ZFYVE19: variants seen among roughly 807,000 people sequenced by gnomAD.
The protein encoded by ZFYVE19 is zinc finger FYVE-type containing 19, also known as abscission/NoCut checkpoint regulator.
ZFYVE19 carries 49 observed loss-of-function variants against 62.8 expected under a neutral mutation model. The observed-to-expected ratio is 0.78, with a 90% confidence interval of 0.62 to 0.99. The LOEUF (loss-of-function observed/expected upper bound fraction) is 0.99. Among genes scored for constraint, ZFYVE19 ranks in the 50% least tolerant of loss-of-function variants. The probability of loss-of-function intolerance (pLI) is 0.00; values close to 1 mark genes in which losing one functional copy is unlikely to be tolerated. For missense variants in ZFYVE19, 630 were observed against 601.9 expected (o/e 1.05, Z -0.49); for synonymous variants, 242 against 234.3 (o/e 1.03, Z -0.30).
intron 5 of ZFYVE19, 138 bp downstream of exon 5, chr15:40,810,354 T>C (rs1890445602): frequency 7.1e-7 from 1 of 1,408,786 alleles, no homozygotes; most frequent in Non-Finnish European, 9.4e-7. Flanking sequence ...TCAGTTACTT[T>C]TGCACCAACC....
At chr15:40,812,528 A>G (rs1363768453) in intron 6 of ZFYVE19, among the ~76,000 whole-genome samples, 171 bp from the exon 7 acceptor site, 1 of 149,148 alleles carries the variant, frequency 6.7e-6, no homozygotes, top group Non-Finnish European at 1.5e-5. Flanking sequence ...CCTGGGTGAC[A>G]GAGCGAGACT....
At position 40,814,590 on chromosome 15, in the gene ZFYVE19, AC is replaced by A. The variant is rs1890612567; in HGVS notation, c.*367del. ...TTGGGCCCAGCATCTCATTTCTACA[AC>A]CCTATGAGCCTGGGCCCTGTGAGAG... On this transcript the variant is annotated 3_prime_UTR_variant, in exon 11 of 11. Transcript: ENST00000355341. 3.2e-6 allele frequency: 1 copy of A among 312,690 alleles called. No homozygotes were observed. The highest frequency in any genetic ancestry group is 2.2e-5 in the African/African-American group (1 of 46,154). The allele number at this position is 312,690 out of a possible 1,614,324, so 19.4% of individuals were successfully genotyped here. A position where few individuals can be genotyped will look rare whatever the true frequency, so the allele number is the denominator to read the frequency against.
intron 8 of ZFYVE19, 24 bp downstream of exon 8, chr15:40,813,441 C>T (rs1389023712): frequency 4.4e-6 from 7 of 1,578,138 alleles, no homozygotes; most frequent in African/African-American, 1.4e-5. Flanking sequence ...ACCCACCTGC[C>T]ACCCCTTGTC....
At chr15:40,809,777 A>G in intron 3 of ZFYVE19, 75 bp from the exon 4 acceptor site, 1 of 1,476,748 alleles carries the variant, frequency 6.8e-7, no homozygotes, top group Non-Finnish European at 9.4e-7. Context: ...TTTGATTTGA[A>G]TGGGAAACAG....
intron 3 of ZFYVE19, 73 bp downstream of exon 3, chr15:40,809,531 C>G: frequency 6.5e-7 from 1 of 1,543,324 alleles, no homozygotes; most frequent in Non-Finnish European, 8.9e-7. Context: ...GACCCTGCCC[C>G]CATCTTCTAG....
Position 40,808,418 on chromosome 15 carries a change from G to C in ZFYVE19, c.279+550G>C, listed in dbSNP as rs188812847. On this transcript the variant is annotated intron_variant, in intron 1 of 10. Coordinates refer to ENST00000355341, the MANE Select transcript of ZFYVE19 (RefSeq NM_001077268.2). ...AGTTGTGGCCAGGGATTCTGACCAG[G>C]AGATGATGGGAACTAGATGGAGTAA... 117 of 1,590,594 alleles carry C rather than the reference G, an allele frequency of 7.4e-5. No homozygotes were observed. The African/African-American group carries it at 1.4e-3, about 19-fold the overall frequency.
intron 7 of ZFYVE19, among the ~76,000 whole-genome samples, 198 bp downstream of exon 7, chr15:40,813,100 G>A (rs532811083): frequency 6.6e-6 from 1 of 152,268 alleles, no homozygotes; most frequent in South Asian, 2.1e-4. Context: ...TCCATTCAGG[G>A]GCTGAGGCTT....
At position 40,814,364 on chromosome 15, in the gene ZFYVE19, C is replaced by T; in HGVS notation, c.*138C>T. On this transcript the variant is annotated 3_prime_UTR_variant, in exon 11 of 11. Coordinates refer to ENST00000355341, the MANE Select transcript of ZFYVE19 (RefSeq NM_001077268.2). Reference sequence around the variant, plus strand: ...GGCCCCTTCCTGAGCCTTGGTGTCCCTGGAATGAGGAAAGATTCTCCATTC... The same window carrying T: ...GGCCCCTTCCTGAGCCTTGGTGTCCTTGGAATGAGGAAAGATTCTCCATTC... The T allele has an allele frequency of 2.1e-6, 2 of 960,998 alleles. No homozygotes were observed. The highest frequency in any genetic ancestry group is 3.1e-6 in the Non-Finnish European group (2 of 647,802). The allele number at this position is 960,998 out of a possible 1,614,324, so 59.5% of individuals were successfully genotyped here. A position where few individuals can be genotyped will look rare whatever the true frequency, so the allele number is the denominator to read the frequency against.
chr15:40,807,856 C>G lies in ZFYVE19; in HGVS notation c.267C>G (p.Leu89=). Residue 89 remains leucine, a synonymous_variant, in exon 1 of 11, where the codon CTC becomes CTG. Transcript: ENST00000355341. ...RCYGCAVKFT[L]FKKEYGCKNC... Reference sequence around the variant, plus strand: ...ACGGCTGCGCTGTCAAGTTCACCCTCTTCAAGAAGGAGGCGAGTCTTCCCT... The same window carrying G: ...ACGGCTGCGCTGTCAAGTTCACCCTGTTCAAGAAGGAGGCGAGTCTTCCCT... 1.3e-6 allele frequency: 2 copies of G among 1,536,010 alleles called. No homozygotes were observed. Among genetic ancestry groups the G allele is most frequent in the Non-Finnish European group, 1.7e-6 (2 of 1,149,406 alleles).
In ZFYVE19 at chr15:40,810,692, A is replaced by T; in HGVS notation, c.761A>T (p.Gln254Leu). Residue 254 changes from glutamine (Q) to leucine (L), a missense_variant, in exon 6 of 11, where the codon CAG (glutamine) becomes CTG (leucine). Gln to Leu is a moderately radical substitution (Grantham distance 113, BLOSUM62 -2). Transcript: ENST00000355341. ...PDTRTQAQQT[Q>L]DLLTQLAAEV... is the part of the protein sequence containing the mutation. The stretch of plus-strand genomic sequence containing the variant: ...ACCAGGACCCAAGCCCAGCAGACAC[A>T]GGATCTGCTAACGCAGCTGGCAGCT... 1 of 1,577,698 alleles carries T rather than the reference A, an allele frequency of 6.3e-7. No individual in the cohort carries two copies. Among genetic ancestry groups the T allele is most frequent in the Non-Finnish European group, 8.6e-7 (1 of 1,161,604 alleles).
chr15:40,808,421 A>G (rs776699249), intron 1 of ZFYVE19: 14 of 1,589,876 alleles, frequency 8.8e-6, no homozygotes, highest in Non-Finnish European at 1.2e-5. Context: ...TGACCAGGAG[A>G]TGATGGGAAC....
rs1287985810 is a variant in ZFYVE19 at position 40,807,811 on chromosome 15, C to A, written c.222C>A (p.Ala74=). ...LSSADPAVLG[A]TMESRCYGCA... ...CTGCAGACCCTGCGGTGCTGGGAGC[C>A]ACCATGGAGAGTAGGTGCTACGGCT... The change falls in exon 1 of 11, where the codon GCC becomes GCA. Residue 74 remains alanine, a synonymous_variant. Coordinates refer to ENST00000355341, the MANE Select transcript of ZFYVE19 (RefSeq NM_001077268.2). 1.9e-6 allele frequency: 3 copies of A among 1,547,808 alleles called. No homozygotes were observed. The highest frequency in any genetic ancestry group is 2.6e-6 in the Non-Finnish European group (3 of 1,153,534).
At position 40,813,407 on chromosome 15, in the gene ZFYVE19, T is replaced by A. The variant is rs1157122196; in HGVS notation, c.1100T>A (p.Val367Asp). ...GATGAGGAGACAGCCATCCAAAGAGTCCTGCAGCAGGTGGGCCTGGATTAC... is the reference window on the plus strand; with the variant it reads ...GATGAGGAGACAGCCATCCAAAGAGACCTGCAGCAGGTGGGCCTGGATTAC... ...DEDEETAIQRVLQQLTEEASL... is the reference protein window; with the variant it reads ...DEDEETAIQRDLQQLTEEASL... Residue 367 changes from valine to aspartate, a missense_variant, in exon 8 of 11, where the codon GTC (valine) becomes GAC (aspartate). Physicochemically the swap from Val to Asp is radical, Grantham distance 152 (BLOSUM62 -3). Coordinates refer to ENST00000355341, the MANE Select transcript of ZFYVE19 (RefSeq NM_001077268.2). 6.2e-7 allele frequency: 1 copy of A among 1,605,730 alleles called. No individual in the cohort carries two copies. The highest frequency in any genetic ancestry group is 2.3e-5 in the East Asian group (1 of 44,380).
chr15:40,807,371 C>G lies in ZFYVE19; in HGVS notation c.-219C>G, dbSNP rs1235014807. 13 of 1,614,162 alleles carry G rather than the reference C, an allele frequency of 8.1e-6. No homozygotes were observed. The highest frequency in any genetic ancestry group is 4.0e-5 in the African/African-American group (3 of 74,954). ...GCCTTCCTCGCCACCGTTCTCACCTCTTTGTCCGCTGCCTTCTCCTCAATG... is the reference window on the plus strand; with the variant it reads ...GCCTTCCTCGCCACCGTTCTCACCTGTTTGTCCGCTGCCTTCTCCTCAATG... On this transcript the variant is annotated 5_prime_UTR_variant, in exon 1 of 11. Coordinates refer to ENST00000355341, the MANE Select transcript of ZFYVE19 (RefSeq NM_001077268.2).
chr15:40,814,534 C>A lies in ZFYVE19; in HGVS notation c.*308C>A, dbSNP rs1246641391. 1.1e-5 allele frequency: 5 copies of A among 447,470 alleles called. No individual in the cohort carries two copies. The highest frequency in any genetic ancestry group is 2.0e-5 in the African/African-American group (1 of 50,192). 27.7% of individuals were successfully genotyped at this position (447,470 alleles called of 1,614,324 possible). A position where few individuals can be genotyped will look rare whatever the true frequency, so the allele number is the denominator to read the frequency against. ...TAGGGCACAGGCCCCTCCCCTGGCA[C>A]TTAGTGGGTCTAATAAAGTATGTTG... On this transcript the variant is annotated 3_prime_UTR_variant, in exon 11 of 11. Coordinates refer to ENST00000355341, the MANE Select transcript of ZFYVE19 (RefSeq NM_001077268.2).
chr15:40,812,672 C>T (rs371144836), intron 6 of ZFYVE19, 27 bp from the exon 7 acceptor site: 2 of 1,593,400 alleles, frequency 1.3e-6, no homozygotes, highest in Non-Finnish European at 1.7e-6. Context: ...GATGTCTCGG[C>T]CTTGCTGATG....
chr15:40,807,233 G>A lies in ZFYVE19; in HGVS notation c.-357G>A, dbSNP rs1890263176. The A allele has an allele frequency of 1.3e-6, 2 of 1,556,750 alleles. No homozygotes were observed. The highest frequency in any genetic ancestry group is 8.7e-7 in the Non-Finnish European group (1 of 1,151,898). On this transcript the variant is annotated 5_prime_UTR_variant, in exon 1 of 11. Transcript: ENST00000355341. ...AAATGTCTGGGAGCCCGCCTGCGGA[G>A]GGCATAGCGCCGACCCTCGCTCCCC...
At chr15:40,812,144 TA>T (rs1226552131) in intron 6 of ZFYVE19, among the ~76,000 whole-genome samples, 2 of 152,232 alleles carry the variant, frequency 1.3e-5, no homozygotes, top group Non-Finnish European at 2.9e-5. Flanking sequence ...AAGACATGGG[TA>T]AAATTATTAG....
chr15:40,810,439 G>A (rs1401035656), intron 5 of ZFYVE19, among the ~76,000 whole-genome samples: 1 of 152,180 alleles, frequency 6.6e-6, no homozygotes, highest in Non-Finnish European at 1.5e-5. Context: ...CCTGCTACCA[G>A]ACCCGGGGAC....
Sources: gnomAD v4.1 joint callset for allele counts (sites outside exome capture counted in the v4.1 genomes callset) on GRCh38, gnomAD v4.1.1 for gene constraint, MANE v1.5 for transcripts, NCBI Gene and HGNC (gene_info 2026-07-23, HGNC 2026-07-21) for gene names.